The following ITSN2 variants were observed in gnomAD, a reference collection of about 807,000 sequenced individuals.
ITSN2 encodes the protein intersectin-2.
ITSN2 carries 156 observed loss-of-function variants against 243.7 expected under a neutral mutation model. That is an observed-to-expected ratio of 0.64 (90% CI 0.56 to 0.73). The LOEUF is 0.73. Among genes scored for constraint, ITSN2 ranks in the 30% least tolerant of loss-of-function variants. ITSN2 has a pLI of 0.00. For missense variants in ITSN2, 1,801 were observed against 1,996.1 expected, an observed-to-expected ratio of 0.90 and a Z score of 1.86; for synonymous variants, 703 against 699.9, an observed-to-expected ratio of 1.00 and a Z score of -0.07.
chr2:24,230,830 C>T (rs992316498), intron 29 of ITSN2, among the ~76,000 whole-genome samples: 16 of 152,154 alleles, frequency 1.1e-4, no homozygotes, highest in African/African-American at 3.6e-4. Flanking sequence ...TCACTCCAAA[C>T]AAAAGCCAAA....
intron 18 of ITSN2, among the ~76,000 whole-genome samples, chr2:24,273,195 T>C (rs1347199490): frequency 6.6e-6 from 1 of 152,234 alleles, no homozygotes; most frequent in Non-Finnish European, 1.5e-5. Flanking sequence ...ATCTCTCAAC[T>C]GTTTCAGACT....
chr2:24,264,535 A>G (rs1676360071), intron 20 of ITSN2, among the ~76,000 whole-genome samples: 1 of 152,208 alleles, frequency 6.6e-6, no homozygotes, highest in African/African-American at 2.4e-5. Context: ...ATTTGACATC[A>G]TATTTTACCT....
chr2:24,209,152 T>C lies in ITSN2; in HGVS notation c.4543A>G (p.Ile1515Val). Residue 1515 changes from isoleucine to valine, a missense_variant, in exon 36 of 40, where the codon ATT becomes GTT. Ile to Val is a conservative substitution (Grantham distance 29). This residue lies in a region of ITSN2 where 928 missense variants were observed against 1,065.4 expected (regional missense o/e 0.87). Transcript: ENST00000355123. ...GTGTAGACCCGATCAATGTGGGAAA[T>C]GTGGAAGACAGGCTCATCGCTGGAA... The part of the protein sequence containing the change: ...DPSSDEPVFH[I>V]SHIDRVYTLR... 3 of 1,613,908 alleles carry C rather than the reference T, an allele frequency of 1.9e-6. No individual in the cohort carries two copies. The highest frequency in any genetic ancestry group is 2.5e-6 in the Non-Finnish European group (3 of 1,179,910).
chr2:24,305,713 T>A (rs1682446925), intron 8 of ITSN2, among the ~76,000 whole-genome samples: 1 of 151,420 alleles, frequency 6.6e-6, no homozygotes, highest in African/African-American at 2.4e-5. Flanking sequence ...CAGCAACTAC[T>A]CTTTTTATAG....
rs1199183187 is a variant in ITSN2, at chr2:24,252,506, T to C, written c.2959A>G (p.Ile987Val). 2 of 1,608,834 alleles carry C rather than the reference T, an allele frequency of 1.2e-6. No individual in the cohort carries two copies. Among genetic ancestry groups the C allele is most frequent in the African/African-American group, 1.3e-5 (1 of 74,796 alleles). The change falls in exon 25 of 40, where the codon ATT becomes GTT. Residue 987 changes from isoleucine to valine, a missense_variant. Ile to Val is a conservative substitution (Grantham distance 29). Coordinates refer to ENST00000355123, the MANE Select transcript of ITSN2 (RefSeq NM_006277.3). The stretch of plus-strand genomic sequence containing the variant: ...ACACTTGAATATGGATAAAGTGCAA[T>C]ATATTCTGTAGGGAACAAAGCAAAA... ...SAAYSVGEEY[I>V]ALYPYSSVEP...
chr2:24,260,336 G>A (rs760713838), intron 22 of ITSN2, among the ~76,000 whole-genome samples: 1 of 151,888 alleles, frequency 6.6e-6, no homozygotes, highest in Non-Finnish European at 1.5e-5. Context: ...GGAGGACTTT[G>A]GACTTTATTC....
chr2:24,303,069 T>C (rs1048900092), intron 9 of ITSN2, among the ~76,000 whole-genome samples: 4 of 152,182 alleles, frequency 2.6e-5, no homozygotes. Flanking sequence ...CTACAGTACA[T>C]ACACTCAATA....
intron 1 of ITSN2, among the ~76,000 whole-genome samples, chr2:24,358,949 GA>G (rs1688705537): frequency 1.3e-5 from 2 of 152,092 alleles, no homozygotes; most frequent in South Asian, 2.1e-4. Context: ...ATGGAAGGGT[GA>G]AAAAATGCAA....
rs113432174 is a variant in ITSN2, at chr2:24,218,681, C to T, written c.3700-668G>A. On this transcript the variant is annotated intron_variant, in intron 30 of 39. Transcript: ENST00000355123. ...GTCAGGTATTATTATTACCAATTGA[C>T]CTATGAAGAAATAAAGGCTTAGAGG... is the stretch of plus-strand genomic sequence containing the variant. 1.1e-3 allele frequency among the ~76,000 whole-genome samples: 167 copies of T among 152,104 alleles called. 1 individual carries two copies. The highest frequency in any genetic ancestry group is 3.6e-3 in the African/African-American group (151 of 41,478).
At chr2:24,245,220 T>C (rs1385952043) in intron 29 of ITSN2, among the ~76,000 whole-genome samples, 1 of 152,132 alleles carries the variant, frequency 6.6e-6, no homozygotes. Context: ...AGTACCAAAC[T>C]TCACACTTCG....
intron 27 of ITSN2, among the ~76,000 whole-genome samples, chr2:24,247,221 T>C (rs1673494327): frequency 6.6e-6 from 1 of 152,202 alleles, no homozygotes; most frequent in South Asian, 2.1e-4. Flanking sequence ...TGTATCTATG[T>C]GAGGAACCCC....
intron 8 of ITSN2, among the ~76,000 whole-genome samples, chr2:24,305,074 T>G (rs1486605089): frequency 6.6e-6 from 1 of 152,178 alleles, no homozygotes; most frequent in African/African-American, 2.4e-5. Context: ...CACTTTCTCA[T>G]CTATATTAAT....
At chr2:24,310,152 T>C in intron 7 of ITSN2, 132 bp downstream of exon 7, 2 of 560,664 alleles carry the variant, frequency 3.6e-6, no homozygotes, top group South Asian at 3.5e-5. Context: ...AAGTAGTAAA[T>C]TTACCTTAAG....
chr2:24,357,068 C>G (rs1226097305), intron 1 of ITSN2, among the ~76,000 whole-genome samples: 1 of 152,156 alleles, frequency 6.6e-6, no homozygotes, highest in Admixed American at 6.6e-5. Context: ...GATAGTATGG[C>G]AATTCCTCAA....
chr2:24,286,865 CAGA>C (rs1679566207), intron 15 of ITSN2, among the ~76,000 whole-genome samples: 1 of 152,050 alleles, frequency 6.6e-6, no homozygotes, highest in African/African-American at 2.4e-5. Context: ...GAGGTAAGAA[CAGA>C]AGGTTTCATT....
intron 14 of ITSN2, 81 bp from the exon 15 acceptor site, chr2:24,293,856 T>G (rs1680603338): frequency 2.2e-6 from 1 of 454,146 alleles, no homozygotes; most frequent in Admixed American, 3.7e-5. Context: ...TAAAACAGGA[T>G]TTACTCATCT....
In ITSN2 at chr2:24,271,815, C is replaced by G; in HGVS notation, c.2208G>C (p.Glu736Asp). The stretch of plus-strand genomic sequence containing the variant: ...TATCCTTATCCTTACGTTGTTTCTC[C>G]TCAGCTTTCCGTTCCTCTTCTTGAA... ...EKIQEEERKA[E>D]EKQRKDKDTL... Residue 736 changes from glutamate (E) to aspartate (D), a missense_variant, in exon 19 of 40, where the codon GAG (glutamate) becomes GAC (aspartate). By Grantham distance (45) the Glu-to-Asp change is conservative. Around this residue, in one of 5 missense-constraint regions of ITSN2, gnomAD observed 787 missense variants for 803.9 expected, o/e 0.98. Coordinates refer to ENST00000355123, the MANE Select transcript of ITSN2 (RefSeq NM_006277.3). 1 of 1,607,950 alleles carries G rather than the reference C, an allele frequency of 6.2e-7. No homozygotes were observed. The highest frequency in any genetic ancestry group is 8.5e-7 in the Non-Finnish European group (1 of 1,178,748).
rs78455469 is a variant in ITSN2, at chr2:24,303,997, C to T, written c.794-135G>A. On this transcript the variant is annotated intron_variant, in intron 8 of 39. Coordinates refer to ENST00000355123, the MANE Select transcript of ITSN2 (RefSeq NM_006277.3). ...TTTTAACATCAAAATGTTTTTACCA[C>T]GTGCTAGGTGCTAAGCATTCAGTAG... 30 of 666,214 alleles carry T rather than the reference C, an allele frequency of 4.5e-5. No individual in the cohort carries two copies. The East Asian group carries it at 5.4e-4, about 12-fold the overall frequency. The allele number at this position is 666,214 out of a possible 1,614,324, so 41.3% of individuals were successfully genotyped here. A position where few individuals can be genotyped will look rare whatever the true frequency, so the allele number is the denominator to read the frequency against.
chr2:24,227,645 G>C (rs1462860733), intron 29 of ITSN2, among the ~76,000 whole-genome samples: 1 of 152,224 alleles, frequency 6.6e-6, no homozygotes, highest in South Asian at 2.1e-4. Flanking sequence ...GGAAGGCTGG[G>C]CATGGTGGCT....
Sources: gnomAD v4.1 joint callset for allele counts (sites outside exome capture counted in the v4.1 genomes callset) on GRCh38, gnomAD v4.1.1 for gene constraint, gnomAD v4.1.1 regional missense constraint, MANE v1.5 for transcripts, NCBI Gene and HGNC (gene_info 2026-07-23, HGNC 2026-07-21) for gene names.